Variants in CACNG2 observed in about 807,000 individuals in gnomAD.
The protein encoded by CACNG2 is voltage-dependent calcium channel gamma-2 subunit.
In CACNG2, 3 loss-of-function variants were observed where a neutral mutation model predicts 25.9. The ratio of observed to expected loss-of-function variants is 0.12; its 90% CI spans 0.05 to 0.30. CACNG2 has a LOEUF of 0.30. CACNG2 is among the 10% of genes least tolerant of loss of function. The pLI is 1.00. For synonymous variants in CACNG2, 167 were observed against 173.3 expected, an observed-to-expected ratio of 0.96 and a Z score of 0.29; for missense variants, 341 against 432.5, an observed-to-expected ratio of 0.79 and a Z score of 1.88.
In CACNG2 at chr22:36,561,941, A is replaced by G. The variant is rs1036404273; in HGVS notation, c.*2410T>C. 1 of 152,238 alleles carries G rather than the reference A, an allele frequency of 6.6e-6. No individual in the cohort carries two copies. Among genetic ancestry groups the G allele is most frequent in the Non-Finnish European group, 1.5e-5 (1 of 68,086 alleles). 9.4% of individuals were successfully genotyped at this position (152,238 alleles called of 1,614,324 possible). A position where few individuals can be genotyped will look rare whatever the true frequency, so the allele number is the denominator to read the frequency against. ...CCCTCAGCCTTGAGCCCTCCCAGTAAACCTCAGAGGATCCTCTTTTTCACA... is the reference window on the plus strand; with the variant it reads ...CCCTCAGCCTTGAGCCCTCCCAGTAGACCTCAGAGGATCCTCTTTTTCACA... On this transcript the variant is annotated 3_prime_UTR_variant, in exon 4 of 4. Coordinates refer to ENST00000300105, the MANE Select transcript of CACNG2 (RefSeq NM_006078.5).
At chr22:36,588,477 CTTCCTG>C (rs1292539953) in intron 1 of CACNG2, among the ~76,000 whole-genome samples, 19 of 152,230 alleles carry the variant, frequency 1.2e-4, no homozygotes, top group Non-Finnish European at 2.5e-4. Context: ...AGAGCATCGG[CTTCCTG>C]ACAGCAGAGA....
chr22:36,576,573 C>CGT (rs1025395207), intron 2 of CACNG2, among the ~76,000 whole-genome samples: 76 of 142,258 alleles, frequency 5.3e-4, no homozygotes, highest in South Asian at 1.8e-3. Flanking sequence ...TCTGTGTGTG[C>CGT]GTGTGTGTGT....
At chr22:36,585,249 A>G (rs923631759) in intron 2 of CACNG2, 1 of 152,148 alleles carries the variant, frequency 6.6e-6, no homozygotes, top group Non-Finnish European at 1.5e-5. Flanking sequence ...ACATTGCAGC[A>G]AAGTGTGGTC....
At chr22:36,595,723 C>T (rs572030858) in intron 1 of CACNG2, among the ~76,000 whole-genome samples, 25 of 152,272 alleles carry the variant, frequency 1.6e-4, no homozygotes, top group African/African-American at 5.5e-4. Flanking sequence ...GGAAGACTCT[C>T]CCACCATGAA....
intron 1 of CACNG2, among the ~76,000 whole-genome samples, chr22:36,669,927 G>A (rs1936925779): frequency 6.6e-6 from 1 of 152,138 alleles, no homozygotes; most frequent in Admixed American, 6.5e-5. Flanking sequence ...TGGCCAGGCT[G>A]GTCTCAAACT....
At chr22:36,609,226 T>C (rs113944761) in intron 1 of CACNG2, among the ~76,000 whole-genome samples, 5,286 of 138,694 alleles carry the variant, frequency 0.038, 137 homozygotes, top group Middle Eastern at 0.091. Context: ...CAGAGCGTGA[T>C]TGAGCAGGAA....
Position 36,703,240 on chromosome 22 carries a change from C to CGGCGGCGGCG in CACNG2, c.-674_-665dup, listed in dbSNP as rs1179439186. On this transcript the variant is annotated 5_prime_UTR_variant, in exon 1 of 4. Coordinates refer to ENST00000300105, the MANE Select transcript of CACNG2 (RefSeq NM_006078.5). ...GCTTTCCATGGTTTTGCCCGGGCAG[C>CGGCGGCGGCG]GGCGGCGGCGGCGGCGGCGGCGGCA... The CGGCGGCGGCG allele has an allele frequency of 6.5e-6, 1 of 152,694 alleles. No homozygotes were observed. The highest frequency in any genetic ancestry group is 2.5e-5 in the African/African-American group (1 of 39,970). The allele number at this position is 152,694 out of a possible 1,614,324, so 9.5% of individuals were successfully genotyped here. A position where few individuals can be genotyped will look rare whatever the true frequency, so the allele number is the denominator to read the frequency against.
intron 1 of CACNG2, among the ~76,000 whole-genome samples, chr22:36,670,969 A>G (rs1961481386): frequency 6.7e-6 from 1 of 148,908 alleles, no homozygotes; most frequent in African/African-American, 2.5e-5. Context: ...ACCAGGCTGG[A>G]GTGCAGTGGC....
intron 1 of CACNG2, among the ~76,000 whole-genome samples, chr22:36,675,237 G>GTC (rs1361635816): frequency 6.6e-6 from 1 of 151,880 alleles, no homozygotes; most frequent in Non-Finnish European, 1.5e-5. Context: ...TAGAGATGCA[G>GTC]TCTCACTCTG....
At chr22:36,592,863 G>A (rs1233364697) in intron 1 of CACNG2, among the ~76,000 whole-genome samples, 2 of 152,198 alleles carry the variant, frequency 1.3e-5, no homozygotes, top group African/African-American at 4.8e-5. Context: ...AGCCCCAGGA[G>A]GTCAGGGCCG....
At chr22:36,657,643 T>G (rs1936727883) in intron 1 of CACNG2, among the ~76,000 whole-genome samples, 1 of 152,212 alleles carries the variant, frequency 6.6e-6, no homozygotes, top group African/African-American at 2.4e-5. Flanking sequence ...GTGCCTATAA[T>G]TTTTAAAAAC....
chr22:36,602,314 T>C (rs578234981), intron 1 of CACNG2, among the ~76,000 whole-genome samples: 1 of 152,232 alleles, frequency 6.6e-6, no homozygotes, highest in South Asian at 2.1e-4. Context: ...AATCTGTACA[T>C]TGCCCTTTCA....
intron 1 of CACNG2, among the ~76,000 whole-genome samples, chr22:36,694,274 C>A (rs777215817): frequency 6.6e-6 from 1 of 152,108 alleles, no homozygotes; most frequent in African/African-American, 2.4e-5. Flanking sequence ...AATTTGTCCC[C>A]CTCTCCCCTG....
At chr22:36,625,759 G>C (rs773704415) in intron 1 of CACNG2, among the ~76,000 whole-genome samples, 1 of 152,152 alleles carries the variant, frequency 6.6e-6, no homozygotes, top group Non-Finnish European at 1.5e-5. Context: ...TAATTTGACT[G>C]TATGTGCTTT....
chr22:36,622,172 C>T (rs1478917127), intron 1 of CACNG2, among the ~76,000 whole-genome samples: 2 of 152,226 alleles, frequency 1.3e-5, no homozygotes, highest in African/African-American at 4.8e-5. Flanking sequence ...GGATTCAGAC[C>T]TGGCCAATTG....
chr22:36,578,803 C>G lies in CACNG2; in HGVS notation c.295+8662G>C, dbSNP rs115511343. Reference sequence around the variant, plus strand: ...GTACCTTGTTTATTCACTTAGCAAACCTCTCCTGGGTCTGATCCTGGGAAA... The same window carrying G: ...GTACCTTGTTTATTCACTTAGCAAAGCTCTCCTGGGTCTGATCCTGGGAAA... On this transcript the variant is annotated intron_variant, in intron 2 of 3. Coordinates refer to ENST00000300105, the MANE Select transcript of CACNG2 (RefSeq NM_006078.5). Among the ~76,000 whole-genome samples the G allele has an allele frequency of 5.9e-3, 901 of 152,290 alleles. 7 individuals are homozygous for G. Among genetic ancestry groups the G allele is most frequent in the African/African-American group, 0.021 (857 of 41,564 alleles).
chr22:36,607,363 C>T (rs1454800434), intron 1 of CACNG2, among the ~76,000 whole-genome samples: 1 of 152,160 alleles, frequency 6.6e-6, no homozygotes, highest in Non-Finnish European at 1.5e-5. Flanking sequence ...ACAGGTGATC[C>T]TCCCATCTCA....
intron 1 of CACNG2, among the ~76,000 whole-genome samples, chr22:36,626,626 C>A (rs1040143741): frequency 6.6e-6 from 1 of 152,156 alleles, no homozygotes; most frequent in Non-Finnish European, 1.5e-5. Context: ...AGCTGAGAAC[C>A]TTAAACAACT....
At chr22:36,646,071 C>A (rs1936519038) in intron 1 of CACNG2, among the ~76,000 whole-genome samples, 1 of 152,066 alleles carries the variant, frequency 6.6e-6, no homozygotes, top group Non-Finnish European at 1.5e-5. Flanking sequence ...GCTCACCCAC[C>A]CCAAAAGCTA....
Sources: allele counts gnomAD v4.1 joint callset (sites outside exome capture counted in the v4.1 genomes callset), GRCh38; gene constraint gnomAD v4.1.1; transcripts MANE v1.5; gene names NCBI Gene and HGNC (gene_info 2026-07-23, HGNC 2026-07-21).